The following UBE2E2 variants were observed in gnomAD, a reference collection of about 807,000 sequenced individuals.
The protein encoded by UBE2E2 is ubiquitin conjugating enzyme E2 E2, also known as ubiquitin-conjugating enzyme E2 E2.
In UBE2E2, 6 loss-of-function variants were observed where a neutral mutation model predicts 24.7. The observed-to-expected ratio is 0.24, with a 90% CI of 0.13 to 0.48. The LOEUF (loss-of-function observed/expected upper bound fraction) is 0.48, where lower values mean the gene tolerates loss of function less well. UBE2E2 is among the 20% of genes least tolerant of loss of function. UBE2E2 has a pLI of 0.99. For missense variants in UBE2E2, 169 were observed against 245.0 expected (o/e 0.69, Z 2.07); for synonymous variants, 104 against 83.6 (o/e 1.24, Z -1.33).
At chr3:23,342,792 TCTTAATAAGTC>T (rs1312231199) in intron 3 of UBE2E2, among the ~76,000 whole-genome samples, 1 of 152,236 alleles carries the variant, frequency 6.6e-6, no homozygotes, top group Non-Finnish European at 1.5e-5. Context: ...GGGGAAATTT[TCTTAATAAGTC>T]CTAAACCCAA....
intron 3 of UBE2E2, among the ~76,000 whole-genome samples, chr3:23,410,407 A>G (rs1166560645): frequency 2.0e-5 from 3 of 152,154 alleles, no homozygotes; most frequent in Non-Finnish European, 4.4e-5. Context: ...CTTAGAGCAC[A>G]TACTCTCATG....
intron 2 of UBE2E2, among the ~76,000 whole-genome samples, chr3:23,209,990 G>A (rs1696275245): frequency 6.6e-6 from 1 of 152,158 alleles, no homozygotes; most frequent in African/African-American, 2.4e-5. Context: ...GGGGAAGAGG[G>A]TTCAGTTTGT....
intron 3 of UBE2E2, among the ~76,000 whole-genome samples, chr3:23,300,779 G>A (rs1184146905): frequency 7.9e-5 from 12 of 151,896 alleles, no homozygotes; most frequent in South Asian, 2.1e-4. Context: ...TGCTCTTCTC[G>A]AGAAGTATCT....
intron 3 of UBE2E2, among the ~76,000 whole-genome samples, chr3:23,289,041 T>C (rs574641864): frequency 6.6e-6 from 1 of 152,338 alleles, no homozygotes; most frequent in East Asian, 1.9e-4. Flanking sequence ...CACCTGATGT[T>C]TAATTCTCAT....
Position 23,423,191 on chromosome 3 carries a change from G to A in UBE2E2, c.228-76417G>A, listed in dbSNP as rs181623850. 3.9e-3 allele frequency among the ~76,000 whole-genome samples: 593 copies of A among 152,280 alleles called. 2 individuals are homozygous for A. The highest frequency in any genetic ancestry group is 5.4e-3 in the Non-Finnish European group (369 of 68,006). On this transcript the variant is annotated intron_variant, in intron 3 of 5. Transcript: ENST00000396703. ...TTTTAGAGTCTCTGAAGCTATAATT[G>A]TTTTATTCTCCCAACTGCGCATAAA...
At chr3:23,273,687 A>G (rs1698311134) in intron 3 of UBE2E2, 1 of 152,390 alleles carries the variant, frequency 6.6e-6, no homozygotes, top group East Asian at 1.9e-4. Context: ...ATACTTTTAA[A>G]GCATCATGAA....
intron 3 of UBE2E2, among the ~76,000 whole-genome samples, chr3:23,307,315 T>G (rs930605189): frequency 7.2e-5 from 11 of 152,192 alleles, no homozygotes; most frequent in African/African-American, 2.7e-4. Flanking sequence ...CGCTTTCAGG[T>G]CTAGTAATCT....
At chr3:23,393,794 T>A (rs1038591952) in intron 3 of UBE2E2, among the ~76,000 whole-genome samples, 1 of 152,118 alleles carries the variant, frequency 6.6e-6, no homozygotes, top group African/African-American at 2.4e-5. Flanking sequence ...AAAAATCAAA[T>A]GACTATTATA....
At chr3:23,370,494 G>C (rs910310590) in intron 3 of UBE2E2, among the ~76,000 whole-genome samples, 1 of 152,164 alleles carries the variant, frequency 6.6e-6, no homozygotes, top group African/African-American at 2.4e-5. Context: ...ATGCCCTGTT[G>C]TTATATAGCC....
At chr3:23,502,765 T>C (rs1265650958) in intron 4 of UBE2E2, among the ~76,000 whole-genome samples, 3 of 152,236 alleles carry the variant, frequency 2.0e-5, no homozygotes, top group Non-Finnish European at 2.9e-5. Flanking sequence ...TTAGTACTTT[T>C]CAAATGCTAT....
In UBE2E2 at chr3:23,341,422, A is replaced by G. The variant is rs181565895; in HGVS notation, c.227+124110A>G. On this transcript the variant is annotated intron_variant, in intron 3 of 5. Coordinates refer to ENST00000396703, the MANE Select transcript of UBE2E2 (RefSeq NM_152653.4). ...CACTATTGAGATTCTACTTGAGGGC[A>G]TTGTAGGTCTCATTTTGGACATATG... 1.4e-3 allele frequency among the ~76,000 whole-genome samples: 220 copies of G among 152,244 alleles called. 1 individual carries two copies. The highest frequency in any genetic ancestry group is 5.1e-3 in the African/African-American group (214 of 41,564).
intron 3 of UBE2E2, among the ~76,000 whole-genome samples, chr3:23,390,061 C>T (rs1696897730): frequency 6.6e-6 from 1 of 152,092 alleles, no homozygotes; most frequent in African/African-American, 2.4e-5. Context: ...TTGTGGTCCC[C>T]ACTCAGCCAC....
chr3:23,299,034 G>T (rs1407292585), intron 3 of UBE2E2, among the ~76,000 whole-genome samples: 2 of 152,094 alleles, frequency 1.3e-5, no homozygotes, highest in African/African-American at 4.8e-5. Context: ...TATATGTCAG[G>T]GAATTAATCC....
chr3:23,405,199 A>G (rs1697324791), intron 3 of UBE2E2, among the ~76,000 whole-genome samples: 1 of 152,214 alleles, frequency 6.6e-6, no homozygotes, highest in South Asian at 2.1e-4. Context: ...TGTAGGTTTG[A>G]ATTCCAAATA....
intron 3 of UBE2E2, among the ~76,000 whole-genome samples, chr3:23,452,902 C>G (rs751657212): frequency 2.6e-5 from 4 of 152,136 alleles, no homozygotes; most frequent in Non-Finnish European, 5.9e-5. Context: ...TGGCACACCC[C>G]TTTACTCAAA....
At chr3:23,390,974 T>G (rs1221272679) in intron 3 of UBE2E2, among the ~76,000 whole-genome samples, 1 of 152,252 alleles carries the variant, frequency 6.6e-6, no homozygotes, top group Non-Finnish European at 1.5e-5. Flanking sequence ...TATCTGTATA[T>G]ATAATAATGG....
intron 3 of UBE2E2, among the ~76,000 whole-genome samples, chr3:23,430,036 G>A (rs568282623): frequency 5.7e-4 from 86 of 152,038 alleles, no homozygotes; most frequent in Non-Finnish European, 8.5e-4. Flanking sequence ...ACATGCCACC[G>A]TGCCTGGCCG....
chr3:23,262,680 G>A (rs532200577), intron 3 of UBE2E2, among the ~76,000 whole-genome samples: 14 of 151,782 alleles, frequency 9.2e-5, no homozygotes, highest in African/African-American at 2.9e-4. Context: ...TTAGATGTAT[G>A]GTTTGTAAAT....
intron 5 of UBE2E2, among the ~76,000 whole-genome samples, chr3:23,551,382 C>T (rs1430693404): frequency 6.6e-6 from 1 of 152,160 alleles, no homozygotes; most frequent in Non-Finnish European, 1.5e-5. Context: ...TAAGAATTGA[C>T]CAGCATGTCT....
Sources: allele counts gnomAD v4.1 joint callset (sites outside exome capture counted in the v4.1 genomes callset), GRCh38; gene constraint gnomAD v4.1.1; transcripts MANE v1.5; gene names NCBI Gene and HGNC (gene_info 2026-07-23, HGNC 2026-07-21).